ANK3: variants seen among roughly 807,000 people sequenced by gnomAD.
The protein encoded by ANK3 is ankyrin 3, also known as ankyrin-3.
Under a neutral mutation model 370.9 loss-of-function variants are expected in ANK3, and 57 were observed. That is an observed-to-expected ratio of 0.15 (90% CI 0.12 to 0.19). ANK3 has a LOEUF of 0.19. Ranked by LOEUF, ANK3 falls within the 10% of genes least tolerant of loss-of-function variation. The pLI, the probability that ANK3 is intolerant of heterozygous loss-of-function variation, is 1.00. For missense variants in ANK3, 4,439 were observed against 5,302.1 expected (o/e 0.84, Z 5.06); for synonymous variants, 1,929 against 1,946.3 (o/e 0.99, Z 0.23).
intron 1 of ANK3, among the ~76,000 whole-genome samples, chr10:60,712,657 CAG>C (rs1221801986): frequency 1.3e-5 from 2 of 152,076 alleles, no homozygotes; most frequent in East Asian, 3.9e-4. Context: ...AATTAAAAGA[CAG>C]AGACTGTTAG....
chr10:60,647,124 C>T (rs998244311), intron 1 of ANK3, among the ~76,000 whole-genome samples: 6 of 152,162 alleles, frequency 3.9e-5, no homozygotes, highest in Admixed American at 2.6e-4. Context: ...ATTATGTGCC[C>T]GGCACTGTGC....
chr10:60,373,191 G>A (rs1488126173), intron 1 of ANK3, among the ~76,000 whole-genome samples: 1 of 152,204 alleles, frequency 6.6e-6, no homozygotes, highest in East Asian at 1.9e-4. Context: ...AATTAAATTA[G>A]AAAGTAGTAA....
chr10:60,170,681 T>C (rs1019025825), intron 21 of ANK3, among the ~76,000 whole-genome samples: 9 of 152,156 alleles, frequency 5.9e-5, no homozygotes, highest in Non-Finnish European at 5.9e-5. Context: ...ATGTTGAGAG[T>C]GAAAAGGCAC....
intron 2 of ANK3, among the ~76,000 whole-genome samples, chr10:60,505,764 T>TA (rs2075922299): frequency 6.6e-6 from 1 of 152,166 alleles, no homozygotes; most frequent in Admixed American, 6.6e-5. Context: ...GCATCTGTAT[T>TA]AAAAAACTCT....
intron 1 of ANK3, among the ~76,000 whole-genome samples, chr10:60,357,025 T>A (rs991980142): frequency 1.3e-5 from 2 of 152,192 alleles, no homozygotes; most frequent in Non-Finnish European, 2.9e-5. Flanking sequence ...ACAATTACTA[T>A]GTTTTCTGAT....
chr10:60,657,328 T>C (rs942106589), intron 1 of ANK3, among the ~76,000 whole-genome samples: 3 of 152,112 alleles, frequency 2.0e-5, no homozygotes, highest in Admixed American at 6.6e-5. Context: ...AACCAAACCA[T>C]ATCAGGAGAC....
intron 1 of ANK3, chr10:60,615,242 C>T: frequency 6.6e-7 from 1 of 1,506,336 alleles, no homozygotes; most frequent in Non-Finnish European, 8.8e-7. Flanking sequence ...AGTAAAGAAA[C>T]AAACATTTAG....
chr10:60,317,203 C>A (rs369148666), intron 1 of ANK3, among the ~76,000 whole-genome samples: 1 of 152,248 alleles, frequency 6.6e-6, no homozygotes, highest in Non-Finnish European at 1.5e-5. Flanking sequence ...TACAGTGGTG[C>A]GATGTCTGCC....
At chr10:60,484,864 T>C (rs1176837083) in intron 2 of ANK3, among the ~76,000 whole-genome samples, 1 of 152,194 alleles carries the variant, frequency 6.6e-6, no homozygotes, top group Non-Finnish European at 1.5e-5. Flanking sequence ...TACTTTCCTT[T>C]TATATCAAGT....
At chr10:60,351,510 G>A (rs890114547) in intron 1 of ANK3, among the ~76,000 whole-genome samples, 1 of 152,176 alleles carries the variant, frequency 6.6e-6, no homozygotes, top group Non-Finnish European at 1.5e-5. Context: ...CCCAGGGCAG[G>A]AGCATTGGGG....
chr10:60,400,211 C>T (rs573295281), intron 2 of ANK3, among the ~76,000 whole-genome samples: 1 of 152,104 alleles, frequency 6.6e-6, no homozygotes, highest in Admixed American at 6.6e-5. Flanking sequence ...GAGACAAGCA[C>T]AGGATAACAA....
intron 2 of ANK3, among the ~76,000 whole-genome samples, chr10:60,506,827 G>A (rs988299587): frequency 7.9e-5 from 12 of 151,994 alleles, no homozygotes; most frequent in Non-Finnish European, 1.6e-4. Flanking sequence ...GCCTCATCTT[G>A]AAAGTTCTTA....
intron 1 of ANK3, among the ~76,000 whole-genome samples, chr10:60,342,902 T>C (rs10761485): frequency 0.7 from 106,074 of 152,074 alleles, 38,285 homozygotes; most frequent in South Asian, 0.91. Flanking sequence ...ACAATTCTCA[T>C]TAGAAACTAA....
chr10:60,148,166 C>T (rs2094921276), intron 23 of ANK3, among the ~76,000 whole-genome samples: 1 of 152,080 alleles, frequency 6.6e-6, no homozygotes, highest in Non-Finnish European at 1.5e-5. Flanking sequence ...ACAAAGTTTG[C>T]ACACCTCTGA....
At chr10:60,688,329 G>A (rs1307528263) in intron 1 of ANK3, among the ~76,000 whole-genome samples, 2 of 152,100 alleles carry the variant, frequency 1.3e-5, no homozygotes, top group South Asian at 2.1e-4. Flanking sequence ...GCCTCCCAAA[G>A]TTCTGAGATT....
intron 2 of ANK3, among the ~76,000 whole-genome samples, chr10:60,526,627 A>T (rs1469906592): frequency 2.0e-5 from 3 of 152,162 alleles, no homozygotes; most frequent in Admixed American, 6.6e-5. Context: ...GGTTGTTAGG[A>T]TAGAGATAAT....
At chr10:60,052,172 C>T (rs1045407623) in intron 42 of ANK3, among the ~76,000 whole-genome samples, 1 of 152,094 alleles carries the variant, frequency 6.6e-6, no homozygotes, top group African/African-American at 2.4e-5. Flanking sequence ...ACCAGCCTGA[C>T]CAACACGGTG....
At chr10:60,570,847 G>C (rs1160656924) in intron 2 of ANK3, among the ~76,000 whole-genome samples, 1 of 151,906 alleles carries the variant, frequency 6.6e-6, no homozygotes, top group African/African-American at 2.4e-5. Context: ...AAGGTAGAGA[G>C]AGGGGAAAAA....
In ANK3 at chr10:60,565,356, T is replaced by C. The variant is rs2077433753; in HGVS notation, c.96+49830A>G. Among the ~76,000 whole-genome samples, 3 of 152,260 alleles carry C rather than the reference T, an allele frequency of 2.0e-5. No individual in the cohort carries two copies. In the South Asian group the frequency reaches 6.2e-4, roughly 32 times the overall value. ...CTCTGAGAATCAATGCTGTCTCTTATCTGACAGGAGGTGAAGCTGAGACCG... is the reference window on the plus strand; with the variant it reads ...CTCTGAGAATCAATGCTGTCTCTTACCTGACAGGAGGTGAAGCTGAGACCG... On this transcript the variant is annotated intron_variant, in intron 2 of 43. Coordinates refer to the ANK3 transcript ENST00000373827.
Sources: allele counts gnomAD v4.1 joint callset (sites outside exome capture counted in the v4.1 genomes callset), GRCh38; gene constraint gnomAD v4.1.1; transcripts MANE v1.5; gene names NCBI Gene and HGNC (gene_info 2026-07-23, HGNC 2026-07-21).